Variants in KANSL1L observed in about 807,000 individuals in gnomAD.
KANSL1L encodes the protein KAT8 regulatory NSL complex subunit 1-like protein.
In KANSL1L, 25 loss-of-function variants were observed where a neutral mutation model predicts 108.6. The observed-to-expected ratio is 0.23, with a 90% CI of 0.17 to 0.32. KANSL1L has a LOEUF of 0.32. KANSL1L is among the 10% of genes least tolerant of loss of function. The pLI is 1.00. For missense variants in KANSL1L, 1,137 were observed against 1,125.7 expected, an observed-to-expected ratio of 1.01 and a Z score of -0.14; for synonymous variants, 405 against 395.1, an observed-to-expected ratio of 1.03 and a Z score of -0.30.
intron 4 of KANSL1L, among the ~76,000 whole-genome samples, chr2:210,103,763 G>A (rs2094819013): frequency 6.6e-6 from 1 of 151,552 alleles, no homozygotes; most frequent in African/African-American, 2.4e-5. Flanking sequence ...CAACCATTCA[G>A]ACATATTAAC....
chr2:210,114,175 C>T (rs929018659), intron 3 of KANSL1L, among the ~76,000 whole-genome samples: 3 of 151,970 alleles, frequency 2.0e-5, no homozygotes, highest in African/African-American at 7.3e-5. Context: ...ATCTTGAAAG[C>T]GGCAAGAGAG....
rs568643994 is a variant in KANSL1L, at chr2:210,109,330, G to T, written c.1231-5029C>A. On this transcript the variant is annotated intron_variant, in intron 3 of 14. Coordinates refer to ENST00000281772, the MANE Select transcript of KANSL1L (RefSeq NM_152519.4). Reference sequence around the variant, plus strand: ...ATCTTTGTGGATGTGCAGACCCCTAGGAGAGGCTAGGCAAACTACATGGTT... The same window carrying T: ...ATCTTTGTGGATGTGCAGACCCCTATGAGAGGCTAGGCAAACTACATGGTT... Among the ~76,000 whole-genome samples the T allele has an allele frequency of 3.3e-5, 5 of 152,160 alleles. No homozygotes were observed. In the South Asian group the frequency reaches 1.0e-3, roughly 32 times the overall value.
At chr2:210,027,718 C>G (rs911906903) in intron 11 of KANSL1L, among the ~76,000 whole-genome samples, 1 of 152,146 alleles carries the variant, frequency 6.6e-6, no homozygotes. Context: ...AAATACCTAC[C>G]ATAGCCCCTT....
chr2:210,123,196 A>G (rs560243431), intron 3 of KANSL1L, among the ~76,000 whole-genome samples: 33 of 152,276 alleles, frequency 2.2e-4, no homozygotes, highest in African/African-American at 7.7e-4. Flanking sequence ...ATACCCAAAG[A>G]AAGGATATCA....
Position 210,023,033 on chromosome 2 carries a change from G to T in KANSL1L, c.2880C>A (p.Gly960=). Residue 960 remains glycine, a synonymous_variant, in exon 15 of 15, where the codon GGC becomes GGA. Coordinates refer to ENST00000281772, the MANE Select transcript of KANSL1L (RefSeq NM_152519.4). ...CATCTGACTGCTTTTTTGGATGGTG[G>T]CCATTCTCTGGTACACTGGTACCGA... ...EIFGTSVPEN[G]HHPKKQSDGM... 6.2e-7 allele frequency: 1 copy of T among 1,613,704 alleles called. No homozygotes were observed. The highest frequency in any genetic ancestry group is 8.5e-7 in the Non-Finnish European group (1 of 1,179,848).
In KANSL1L at chr2:210,087,069, C is replaced by T. The variant is rs1264151704; in HGVS notation, c.1550+11017G>A. Among the ~76,000 whole-genome samples the T allele has an allele frequency of 2.6e-5, 4 of 151,220 alleles. No homozygotes were observed. The East Asian group carries it at 7.8e-4, about 30-fold the overall frequency. On this transcript the variant is annotated intron_variant, in intron 5 of 14. Coordinates refer to ENST00000281772, the MANE Select transcript of KANSL1L (RefSeq NM_152519.4). ...TTTGAGACAGGATCTTGCTCTGTCA[C>T]CTAGGCTGGAGTGCAGTGGCATGGT...
intron 3 of KANSL1L, among the ~76,000 whole-genome samples, chr2:210,119,918 A>ATT (rs1222700212): frequency 2.6e-5 from 4 of 152,148 alleles, no homozygotes; most frequent in Non-Finnish European, 5.9e-5. Context: ...CAGGCTACCC[A>ATT]ACTTCAAACT....
chr2:210,136,206 A>C (rs2095172435), intron 2 of KANSL1L, among the ~76,000 whole-genome samples: 1 of 152,148 alleles, frequency 6.6e-6, no homozygotes, highest in Non-Finnish European at 1.5e-5. Flanking sequence ...CTAAACTGAA[A>C]ATTTCAGTAT....
intron 7 of KANSL1L, among the ~76,000 whole-genome samples, chr2:210,043,206 T>C (rs1433967606): frequency 6.6e-6 from 1 of 151,880 alleles, no homozygotes; most frequent in East Asian, 1.9e-4. Context: ...GGCAATATAG[T>C]GAGACCCCAT....
intron 5 of KANSL1L, among the ~76,000 whole-genome samples, chr2:210,077,361 G>C (rs1333718900): frequency 6.6e-6 from 1 of 152,128 alleles, no homozygotes; most frequent in Non-Finnish European, 1.5e-5. Flanking sequence ...GGCTAGGAAA[G>C]ATTTAGGGTA....
At chr2:210,023,919 T>G in intron 14 of KANSL1L, 114 bp downstream of exon 14, 1 of 619,464 alleles carries the variant, frequency 1.6e-6, no homozygotes, top group Non-Finnish European at 2.7e-6. Context: ...TATACCTAAC[T>G]TATTGAATTT....
chr2:210,098,929 A>G (rs2094765579), intron 4 of KANSL1L, among the ~76,000 whole-genome samples: 1 of 151,524 alleles, frequency 6.6e-6, no homozygotes, highest in Non-Finnish European at 1.5e-5. Flanking sequence ...AAACAATCAC[A>G]ATTATAATAA....
At chr2:210,040,583 A>T (rs192595899) in intron 7 of KANSL1L, 56 bp from the exon 8 acceptor site, 1 of 727,626 alleles carries the variant, frequency 1.4e-6, no homozygotes, top group Non-Finnish European at 2.2e-6. Flanking sequence ...TAATACTAGG[A>T]TTACAGATTG....
rs188813458 is a variant in KANSL1L at position 210,117,639 on chromosome 2, A to T, written c.1230+11392T>A. Among the ~76,000 whole-genome samples, 188 of 152,318 alleles carry T rather than the reference A, an allele frequency of 1.2e-3. 1 individual carries two copies. The highest frequency in any genetic ancestry group is 4.3e-3 in the African/African-American group (177 of 41,584). The stretch of plus-strand genomic sequence containing the variant: ...AAAAACTTTTATCCTAGAATAGTAT[A>T]TCCAGCAAATATATCCTTCAAGATG... On this transcript the variant is annotated intron_variant, in intron 3 of 14. Coordinates refer to ENST00000281772, the MANE Select transcript of KANSL1L (RefSeq NM_152519.4).
At chr2:210,117,142 T>C (rs891155158) in intron 3 of KANSL1L, among the ~76,000 whole-genome samples, 10 of 152,058 alleles carry the variant, frequency 6.6e-5, no homozygotes, top group Admixed American at 5.2e-4. Context: ...GCAGGATTAA[T>C]CAAAAAGAAG....
At chr2:210,112,857 G>A (rs1235205261) in intron 3 of KANSL1L, among the ~76,000 whole-genome samples, 2 of 152,116 alleles carry the variant, frequency 1.3e-5, no homozygotes. Flanking sequence ...GGAGTTTACT[G>A]AAGACTTGCA....
chr2:210,128,917 TA>T, intron 3 of KANSL1L, 113 bp downstream of exon 3: 1 of 822,064 alleles, frequency 1.2e-6, no homozygotes. Flanking sequence ...AATTTTAACA[TA>T]AACTGGCTAC....
At chr2:210,127,146 A>G (rs2095073628) in intron 3 of KANSL1L, among the ~76,000 whole-genome samples, 1 of 152,188 alleles carries the variant, frequency 6.6e-6, no homozygotes, top group African/African-American at 2.4e-5. Context: ...CCAGAAATAA[A>G]CCCTAACATA....
chr2:210,025,099 C>A lies in KANSL1L; in HGVS notation c.2564+5G>T. On this transcript the variant is annotated splice_donor_5th_base_variant and intron_variant, in intron 13 of 14. Transcript: ENST00000281772. ...ATGGCTTGGGGTTTTAAATTTGTAA[C>A]CTGCCTGCTGTTTCTTCTGTGCCAC... The A allele has an allele frequency of 6.4e-7, 1 of 1,569,736 alleles. No individual in the cohort carries two copies. The highest frequency in any genetic ancestry group is 8.8e-7 in the Non-Finnish European group (1 of 1,139,610).
Sources: allele counts gnomAD v4.1 joint callset (sites outside exome capture counted in the v4.1 genomes callset), GRCh38; gene constraint gnomAD v4.1.1; transcripts MANE v1.5; gene names NCBI Gene and HGNC (gene_info 2026-07-23, HGNC 2026-07-21).